Variants in MICA observed in about 807,000 individuals in gnomAD.
MICA encodes the protein HLA class I antigen.
In MICA, 18 loss-of-function variants were observed where a neutral mutation model predicts 34.3. The ratio of observed to expected loss-of-function variants is 0.52; its 90% CI spans 0.36 to 0.78. The LOEUF is 0.78. Among genes scored for constraint, MICA ranks in the 30% least tolerant of loss-of-function variants. The probability of loss-of-function intolerance (pLI) is 0.00; values close to 1 mark genes in which losing one functional copy is unlikely to be tolerated. For missense variants in MICA, 333 were observed against 409.4 expected (o/e 0.81, Z 1.61); for synonymous variants, 135 against 156.9 (o/e 0.86, Z 1.04).
At chr6:31,412,764 C>A (rs1187663768) in intron 5 of MICA, among the ~76,000 whole-genome samples, 1 of 151,580 alleles carries the variant, frequency 6.6e-6, no homozygotes, top group Non-Finnish European at 1.5e-5. Flanking sequence ...CTCACTAGGG[C>A]GCATCCAGGT....
chr6:31,404,617 G>A (rs541226271), intron 1 of MICA, among the ~76,000 whole-genome samples: 111 of 151,852 alleles, frequency 7.3e-4, no homozygotes, highest in Middle Eastern at 6.8e-3. Context: ...ATGCCTCCCC[G>A]TTCCCAAATG....
At chr6:31,412,559 C>A in intron 5 of MICA, 99 bp downstream of exon 5, 1 of 794,524 alleles carries the variant, frequency 1.3e-6, no homozygotes, top group Non-Finnish European at 2.0e-6. Context: ...GGTGACAAGG[C>A]TTCCATAACA....
Position 31,411,823 on chromosome 6 carries a change from A to G in MICA, c.614-124A>G. 2.1e-6 allele frequency: 3 copies of G among 1,408,792 alleles called. No individual in the cohort carries two copies. The South Asian group carries it at 4.4e-5, about 20-fold the overall frequency. 87.3% of individuals were successfully genotyped at this position (1,408,792 alleles called of 1,614,324 possible). A position where few individuals can be genotyped will look rare whatever the true frequency, so the allele number is the denominator to read the frequency against. ...GAACTGGGCCCCAGAGTGAGGACAG[A>G]CTTGCAGGTCAGGGGTCCCGGAGGG... is the stretch of plus-strand genomic sequence containing the variant. On this transcript the variant is annotated intron_variant, in intron 3 of 5. Transcript: ENST00000449934. This position sits in a 1 kb window ranked among gnomAD's most constrained non-coding sequence, Gnocchi z 4.3.
At chr6:31,406,985 T>G (rs1770781497) in intron 1 of MICA, among the ~76,000 whole-genome samples, 1 of 151,974 alleles carries the variant, frequency 6.6e-6, no homozygotes, top group African/African-American at 2.4e-5. Context: ...TCAGATAATG[T>G]GATTCCTCTA....
chr6:31,403,792 AGGG>A lies in MICA; in HGVS notation c.70+91_70+93del. On this transcript the variant is annotated intron_variant, in intron 1 of 5. Coordinates refer to ENST00000449934, the MANE Select transcript of MICA (RefSeq NM_001177519.3). The surrounding 1 kb of genome is among the most constrained non-coding windows in gnomAD (Gnocchi z 4.7). ...GGGTAGCGGCGAGCGCTGTGCGGTC[AGGG>A]CGGGGCTCCTGTGCCCTGTCGGTGG... The A allele has an allele frequency of 8.0e-7, 1 of 1,244,780 alleles. No individual in the cohort carries two copies. The allele number at this position is 1,244,780 out of a possible 1,614,324, so 77.1% of individuals were successfully genotyped here. A position where few individuals can be genotyped will look rare whatever the true frequency, so the allele number is the denominator to read the frequency against.
intron 5 of MICA, among the ~76,000 whole-genome samples, chr6:31,413,937 G>A (rs993427622): frequency 2.6e-5 from 4 of 152,004 alleles, no homozygotes; most frequent in Admixed American, 2.0e-4. Context: ...AATCTTAATA[G>A]GATTTCCTCT....
At chr6:31,414,953 G>A (rs2113772855) in intron 5 of MICA, 59 bp from the exon 6 acceptor site, 2 of 1,363,540 alleles carry the variant, frequency 1.5e-6, no homozygotes, top group African/African-American at 1.5e-5. Context: ...AAAGTCCCCA[G>A]GGAATAAACA....
rs9266826 is a variant in MICA, at chr6:31,415,155, G to A, written c.*173G>A. ...GGGCACCTAGACTCTACAGCCAGGCGGCTGGAATTGAATTCCCTGCCTGGA... is the reference window on the plus strand; with the variant it reads ...GGGCACCTAGACTCTACAGCCAGGCAGCTGGAATTGAATTCCCTGCCTGGA... On this transcript the variant is annotated 3_prime_UTR_variant, in exon 6 of 6. Transcript: ENST00000449934. 0.25 allele frequency: 228,774 copies of A among 916,856 alleles called. 33,920 individuals carry two copies. The highest frequency in any genetic ancestry group is 0.39 in the African/African-American group (22,788 of 58,778). 56.8% of individuals were successfully genotyped at this position (916,856 alleles called of 1,614,324 possible).
chr6:31,409,297 G>A (rs2113742982), intron 1 of MICA, among the ~76,000 whole-genome samples: 1 of 148,678 alleles, frequency 6.7e-6, no homozygotes, highest in South Asian at 2.2e-4. Flanking sequence ...CTGTCTCTTT[G>A]CCAACCTTGC....
upstream of MICA, among the ~76,000 whole-genome samples, chr6:31,401,093 G>A (rs1183820978): frequency 1.3e-5 from 2 of 151,774 alleles, no homozygotes; most frequent in Non-Finnish European, 2.9e-5. Context: ...TCCTTTGCTG[G>A]AGCTGGCACA....
At chr6:31,401,647 A>C (rs561162767), upstream of MICA, among the ~76,000 whole-genome samples, 55 of 133,316 alleles carry the variant, frequency 4.1e-4, no homozygotes, top group Middle Eastern at 3.8e-3. Flanking sequence ...GTGACACAGC[A>C]AGACTCCTCT....
chr6:31,410,214 C>T, intron 1 of MICA, among the ~76,000 whole-genome samples: 2 of 151,918 alleles, frequency 1.3e-5, no homozygotes, highest in Non-Finnish European at 2.9e-5. Context: ...TCTGGCAAGA[C>T]CTTCCTTCCA....
intron 5 of MICA, among the ~76,000 whole-genome samples, chr6:31,412,970 G>A (rs1404898132): frequency 2.0e-5 from 3 of 151,246 alleles, no homozygotes; most frequent in African/African-American, 7.3e-5. Flanking sequence ...CGGACACCGA[G>A]AAAAAGACCT....
At chr6:31,404,776 C>A (rs1370375779) in intron 1 of MICA, among the ~76,000 whole-genome samples, 1 of 151,860 alleles carries the variant, frequency 6.6e-6, no homozygotes, top group Non-Finnish European at 1.5e-5. Context: ...CCCCTCCCCT[C>A]CAGTGCAGAT....
intron 1 of MICA, among the ~76,000 whole-genome samples, chr6:31,404,465 C>T (rs1038977281): frequency 6.6e-5 from 10 of 151,710 alleles, no homozygotes; most frequent in African/African-American, 2.4e-4. Context: ...CTCCCAGCTC[C>T]CTGCTACCCC....
Position 31,415,134 on chromosome 6 carries a change from A to G in MICA, c.*152A>G, listed in dbSNP as rs1882. ...TGGGTCCACTGGCTCCACTGAGGGC[A>G]CCTAGACTCTACAGCCAGGCGGCTG... On this transcript the variant is annotated 3_prime_UTR_variant, in exon 6 of 6. Transcript: ENST00000449934. 527,244 of 1,020,480 alleles carry G rather than the reference A, an allele frequency of 0.52. 152,805 individuals are homozygous for G. Among genetic ancestry groups the G allele is most frequent in the East Asian group, 0.81 (31,634 of 39,090 alleles). 63.2% of individuals were successfully genotyped at this position (1,020,480 alleles called of 1,614,324 possible).
Position 31,403,631 on chromosome 6 carries a change from C to A in MICA, c.-2C>A. On this transcript the variant is annotated 5_prime_UTR_variant, in exon 1 of 6. Coordinates refer to ENST00000449934, the MANE Select transcript of MICA (RefSeq NM_001177519.3). The surrounding 1 kb of genome is among the most constrained non-coding windows in gnomAD (Gnocchi z 4.7). ...CGCTGAGAGGGTGGCGACGTCGGGG[C>A]CATGGGGCTGGGCCCGGTCTTTCTG... The A allele has an allele frequency of 4.6e-6, 7 of 1,511,674 alleles. No homozygotes were observed. Among genetic ancestry groups the A allele is most frequent in the Non-Finnish European group, 6.2e-6 (7 of 1,131,964 alleles). The allele number at this position is 1,511,674 out of a possible 1,614,324, so 93.6% of individuals were successfully genotyped here.
chr6:31,407,574 ACTT>A (rs1375739404), intron 1 of MICA, among the ~76,000 whole-genome samples: 1 of 151,812 alleles, frequency 6.6e-6, no homozygotes, highest in African/African-American at 2.4e-5. Flanking sequence ...GAGGTCTTTC[ACTT>A]CTTCAGTTAG....
At chr6:31,401,743 A>C (rs555694391), upstream of MICA, among the ~76,000 whole-genome samples, 1 of 151,972 alleles carries the variant, frequency 6.6e-6, no homozygotes, top group East Asian at 1.9e-4. Flanking sequence ...GTAGTTCTAA[A>C]ACTTGACTAC....
Sources: allele counts gnomAD v4.1 joint callset (sites outside exome capture counted in the v4.1 genomes callset), GRCh38; gene constraint gnomAD v4.1.1; non-coding constraint Gnocchi (gnomAD v3.1); transcripts MANE v1.5; gene names NCBI Gene and HGNC (gene_info 2026-07-23, HGNC 2026-07-21).